GPC5: variants seen among roughly 807,000 people sequenced by gnomAD.
GPC5 encodes the protein glypican 5.
Under a neutral mutation model 53.9 loss-of-function variants are expected in GPC5, and 47 were observed. That is an observed-to-expected ratio of 0.87 (90% CI 0.69 to 1.11). The LOEUF is 1.11. Ranked by LOEUF, GPC5 falls within the 50% of genes most tolerant of loss-of-function variation. GPC5 has a pLI of 0.00. For missense variants in GPC5, 748 were observed against 713.1 expected (o/e 1.05, Z -0.56); for synonymous variants, 286 against 263.3 (o/e 1.09, Z -0.84).
chr13:91,419,260 G>A (rs1878441209), intron 1 of GPC5, among the ~76,000 whole-genome samples: 1 of 152,028 alleles, frequency 6.6e-6, no homozygotes, highest in Admixed American at 6.6e-5. Flanking sequence ...AATGTACAGA[G>A]ATTCATATAA....
At chr13:92,110,868 A>T (rs2041551154) in intron 6 of GPC5, among the ~76,000 whole-genome samples, 1 of 152,126 alleles carries the variant, frequency 6.6e-6, no homozygotes, top group Non-Finnish European at 1.5e-5. Flanking sequence ...TTTTCTTTCG[A>T]TGTCCTGATT....
At chr13:91,987,828 A>G (rs2040422453) in intron 6 of GPC5, among the ~76,000 whole-genome samples, 1 of 144,952 alleles carries the variant, frequency 6.9e-6, no homozygotes, top group Admixed American at 7.1e-5. Flanking sequence ...TATTTATATT[A>G]TATATAAATA....
Position 91,536,468 on chromosome 13 carries a change from C to T in GPC5, c.325+87546C>T, listed in dbSNP as rs1409849082. On this transcript the variant is annotated intron_variant, in intron 2 of 7. Transcript: ENST00000377067. ...TTCCCCAATAATTGCCATTATTGGA[C>T]CAATTTGGAAGACATTATTTAAAAG... is the stretch of plus-strand genomic sequence containing the variant. 8.5e-5 allele frequency among the ~76,000 whole-genome samples: 13 copies of T among 152,172 alleles called. No individual in the cohort carries two copies. In the East Asian group the frequency reaches 1.9e-3, roughly 23 times the overall value.
At chr13:92,641,987 C>G (rs530347320) in intron 7 of GPC5, among the ~76,000 whole-genome samples, 1 of 151,884 alleles carries the variant, frequency 6.6e-6, no homozygotes, top group Non-Finnish European at 1.5e-5. Context: ...ATTCTGTTAC[C>G]AGATTTGTAG....
intron 6 of GPC5, among the ~76,000 whole-genome samples, chr13:91,916,879 C>T (rs1226537588): frequency 6.6e-6 from 1 of 152,120 alleles, no homozygotes; most frequent in East Asian, 1.9e-4. Flanking sequence ...TCCACCTGGT[C>T]CCACCCTTGA....
At chr13:92,830,272 A>T (rs1878006058) in intron 7 of GPC5, among the ~76,000 whole-genome samples, 1 of 152,138 alleles carries the variant, frequency 6.6e-6, no homozygotes, top group Non-Finnish European at 1.5e-5. Context: ...ATAGCCAAAA[A>T]TAAATTGAAA....
chr13:92,341,897 C>T (rs1310448667), intron 7 of GPC5, among the ~76,000 whole-genome samples: 2 of 152,052 alleles, frequency 1.3e-5, no homozygotes, highest in South Asian at 2.1e-4. Context: ...AAGGACAATA[C>T]AATTTATGCC....
At chr13:92,344,254 A>G (rs1345156070) in intron 7 of GPC5, among the ~76,000 whole-genome samples, 1 of 152,112 alleles carries the variant, frequency 6.6e-6, no homozygotes, top group South Asian at 2.1e-4. Context: ...AAAGAGGGGA[A>G]ACCCCTTTAT....
intron 7 of GPC5, among the ~76,000 whole-genome samples, chr13:92,302,021 A>C (rs1369510496): frequency 6.6e-6 from 1 of 152,200 alleles, no homozygotes; most frequent in Non-Finnish European, 1.5e-5. Flanking sequence ...TATAGCTTAA[A>C]TGTATTCATT....
At chr13:91,685,306 G>A (rs904030648) in intron 2 of GPC5, among the ~76,000 whole-genome samples, 1 of 152,118 alleles carries the variant, frequency 6.6e-6, no homozygotes, top group Non-Finnish European at 1.5e-5. Context: ...CCTTGTCTCA[G>A]AATAAAATAA....
chr13:91,703,541 T>C (rs990514444), intron 3 of GPC5, among the ~76,000 whole-genome samples: 1 of 152,130 alleles, frequency 6.6e-6, no homozygotes, highest in African/African-American at 2.4e-5. Flanking sequence ...CTGCTGAGTA[T>C]GGTTTGCCAG....
chr13:92,749,398 C>T (rs1021652136), intron 7 of GPC5, among the ~76,000 whole-genome samples: 4 of 151,816 alleles, frequency 2.6e-5, no homozygotes, highest in African/African-American at 9.7e-5. Flanking sequence ...ATACAATAAA[C>T]TTTCATTGTT....
intron 5 of GPC5, among the ~76,000 whole-genome samples, chr13:91,857,687 G>T (rs1395275364): frequency 6.7e-6 from 1 of 150,038 alleles, no homozygotes; most frequent in Non-Finnish European, 1.5e-5. Context: ...TACTTGCCTT[G>T]TTCCCAACTA....
chr13:92,417,812 G>T (rs1876379737), intron 7 of GPC5, among the ~76,000 whole-genome samples: 1 of 152,186 alleles, frequency 6.6e-6, no homozygotes, highest in Non-Finnish European at 1.5e-5. Context: ...GATTGCATAA[G>T]CCTGGGAGGT....
At chr13:91,467,936 C>T (rs1882351561) in intron 2 of GPC5, among the ~76,000 whole-genome samples, 1 of 152,070 alleles carries the variant, frequency 6.6e-6, no homozygotes, top group Non-Finnish European at 1.5e-5. Context: ...TCAGGATTGG[C>T]CAGGTTTACT....
At chr13:92,399,396 C>T (rs1875453760) in intron 7 of GPC5, among the ~76,000 whole-genome samples, 1 of 152,170 alleles carries the variant, frequency 6.6e-6, no homozygotes, top group Non-Finnish European at 1.5e-5. Context: ...ATAGTCCCTT[C>T]ATAGAAATCA....
At chr13:92,843,776 G>A (rs1028885919) in intron 7 of GPC5, among the ~76,000 whole-genome samples, 3 of 152,052 alleles carry the variant, frequency 2.0e-5, no homozygotes, top group African/African-American at 7.2e-5. Flanking sequence ...ATCTGTCATC[G>A]ATGTTGCTAA....
intron 7 of GPC5, among the ~76,000 whole-genome samples, chr13:92,642,431 T>C (rs565371485): frequency 1.3e-5 from 2 of 152,216 alleles, no homozygotes; most frequent in African/African-American, 4.8e-5. Context: ...CCGTACTCAG[T>C]GTTCCCTCGA....
chr13:92,080,510 CTTA>C (rs765546495), intron 6 of GPC5, among the ~76,000 whole-genome samples: 4 of 152,198 alleles, frequency 2.6e-5, no homozygotes, highest in Admixed American at 1.3e-4. Flanking sequence ...ACAATCCAAC[CTTA>C]TTATGATTTT....
Sources: gnomAD v4.1 joint callset for allele counts (sites outside exome capture counted in the v4.1 genomes callset) on GRCh38, gnomAD v4.1.1 for gene constraint, MANE v1.5 for transcripts, NCBI Gene and HGNC (gene_info 2026-07-23, HGNC 2026-07-21) for gene names.